EPB41L3: variants seen among roughly 807,000 people sequenced by gnomAD.
The protein encoded by EPB41L3 is erythrocyte membrane protein band 4.1 like 3.
In EPB41L3, 57 loss-of-function variants were observed where a neutral mutation model predicts 127.1. That is an observed-to-expected ratio of 0.45 (90% confidence interval 0.36 to 0.56). The LOEUF is 0.56. EPB41L3 is among the 20% of genes least tolerant of loss of function. The pLI is 0.00. For missense variants in EPB41L3, 1,273 were observed against 1,372.2 expected (o/e 0.93, Z 1.14); for synonymous variants, 572 against 549.5 (o/e 1.04, Z -0.57).
At chr18:5,416,431 G>A in intron 12 of EPB41L3, 53 bp from the exon 13 acceptor site, 2 of 1,512,462 alleles carry the variant, frequency 1.3e-6, no homozygotes, top group Non-Finnish European at 1.8e-6. Flanking sequence ...AGGTGCAAAA[G>A]GACAAAAAGA....
In EPB41L3 at chr18:5,435,811, A is replaced by G. The variant is rs115926407; in HGVS notation, c.606-1690T>C. Among the ~76,000 whole-genome samples the G allele has an allele frequency of 3.6e-3, 542 of 152,298 alleles. 5 individuals are homozygous for G. The highest frequency in any genetic ancestry group is 0.012 in the African/African-American group (518 of 41,540). On this transcript the variant is annotated intron_variant, in intron 6 of 22. Coordinates refer to ENST00000341928, the MANE Select transcript of EPB41L3 (RefSeq NM_012307.5). The stretch of plus-strand genomic sequence containing the variant: ...GGTAACTCAATAGCTATGTCATTAT[A>G]AACTTCACTCTCAATTTCCTGCATT...
chr18:5,495,009 G>A (rs1241853551), intron 1 of EPB41L3, among the ~76,000 whole-genome samples: 1 of 152,282 alleles, frequency 6.6e-6, no homozygotes, highest in East Asian at 1.9e-4. Context: ...CAAACTCAGA[G>A]ACCACACAGG....
chr18:5,430,180 GCCT>G (rs947885264), intron 8 of EPB41L3, among the ~76,000 whole-genome samples: 3 of 152,174 alleles, frequency 2.0e-5, no homozygotes. Flanking sequence ...AGGCTCCGAT[GCCT>G]CCTCTTCTTG....
At chr18:5,452,378 CTT>C (rs10700644) in intron 3 of EPB41L3, among the ~76,000 whole-genome samples, 16 of 145,242 alleles carry the variant, frequency 1.1e-4, no homozygotes, top group Non-Finnish European at 1.2e-4. Context: ...GCCTAAAATC[CTT>C]TTTTTTTTTT....
At chr18:5,509,398 A>C (rs2092402449) in intron 1 of EPB41L3, among the ~76,000 whole-genome samples, 1 of 152,262 alleles carries the variant, frequency 6.6e-6, no homozygotes, top group South Asian at 2.1e-4. Context: ...TATGGGTAGC[A>C]AGGTCCTGAG....
chr18:5,484,848 G>A (rs1343269776), intron 2 of EPB41L3, among the ~76,000 whole-genome samples: 1 of 151,372 alleles, frequency 6.6e-6, no homozygotes, highest in Non-Finnish European at 1.5e-5. Flanking sequence ...ATAATAAAAA[G>A]TCTTCTATCA....
intron 3 of EPB41L3, among the ~76,000 whole-genome samples, chr18:5,576,396 C>T (rs952297065): frequency 2.0e-5 from 3 of 152,142 alleles, no homozygotes; most frequent in Non-Finnish European, 4.4e-5. Context: ...CCTCGTCCCT[C>T]AGGATGAGGC....
At chr18:5,626,191 A>G (rs1427803776) in intron 1 of EPB41L3, among the ~76,000 whole-genome samples, 2 of 152,156 alleles carry the variant, frequency 1.3e-5, no homozygotes, top group African/African-American at 4.8e-5. Context: ...TTGGGCTAGG[A>G]GACCCTTAGC....
At chr18:5,489,314 A>G (rs1465366165) in intron 1 of EPB41L3, 120 bp from the exon 2 acceptor site, 26 of 1,156,358 alleles carry the variant, frequency 2.2e-5, no homozygotes, top group Middle Eastern at 2.9e-4. Context: ...ATGCTACCAA[A>G]CCCCATCCTA....
At chr18:5,627,236 A>T (rs2094932287) in intron 1 of EPB41L3, among the ~76,000 whole-genome samples, 1 of 152,194 alleles carries the variant, frequency 6.6e-6, no homozygotes, top group African/African-American at 2.4e-5. Context: ...TCAAAATCAT[A>T]ACGCTTCCTT....
chr18:5,623,377 A>G lies in EPB41L3; in HGVS notation c.-468+5545T>C, dbSNP rs115499748. 7.0e-3 allele frequency among the ~76,000 whole-genome samples: 1,066 copies of G among 152,338 alleles called. 15 individuals carry two copies. Among genetic ancestry groups the G allele is most frequent in the African/African-American group, 0.025 (1,028 of 41,570 alleles). ...CAGTACCTAATTCTAACACTACGTGAAAGTATCTAATTCCTAACTATTCAA... is the reference window on the plus strand; with the variant it reads ...CAGTACCTAATTCTAACACTACGTGGAAGTATCTAATTCCTAACTATTCAA... On this transcript the variant is annotated intron_variant, in intron 1 of 21. Transcript: ENST00000545076.
chr18:5,398,489 T>C, intron 16 of EPB41L3: 1 of 410,274 alleles, frequency 2.4e-6, no homozygotes, highest in Non-Finnish European at 4.3e-6. Flanking sequence ...TGCACTGCGG[T>C]ATTGATTTAA....
intron 3 of EPB41L3, among the ~76,000 whole-genome samples, chr18:5,569,974 G>T (rs1231705169): frequency 6.6e-6 from 1 of 152,096 alleles, no homozygotes; most frequent in Non-Finnish European, 1.5e-5. Context: ...TTGTTAAAAA[G>T]CACTATTTTG....
At chr18:5,521,172 T>C (rs892583903) in intron 1 of EPB41L3, 7 of 152,244 alleles carry the variant, frequency 4.6e-5, no homozygotes, top group African/African-American at 7.2e-5. Flanking sequence ...TAGTCTGGTA[T>C]AGAAACTACA....
At chr18:5,421,885 G>C (rs2077516187) in intron 11 of EPB41L3, among the ~76,000 whole-genome samples, 1 of 152,058 alleles carries the variant, frequency 6.6e-6, no homozygotes, top group Non-Finnish European at 1.5e-5. Flanking sequence ...GCACTACTCA[G>C]GTGACAGGTG....
intron 14 of EPB41L3, among the ~76,000 whole-genome samples, chr18:5,409,727 A>C (rs1249065906): frequency 6.6e-6 from 1 of 151,300 alleles, no homozygotes; most frequent in Non-Finnish European, 1.5e-5. Context: ...AAAAACATAT[A>C]AACAACCTAA....
intron 1 of EPB41L3, among the ~76,000 whole-genome samples, chr18:5,516,022 T>C (rs2092736403): frequency 6.6e-6 from 1 of 152,164 alleles, no homozygotes; most frequent in African/African-American, 2.4e-5. Context: ...TAAGTGCCCA[T>C]AGAAAGTTAG....
chr18:5,405,672 G>A (rs1178479269), intron 16 of EPB41L3, among the ~76,000 whole-genome samples: 2 of 151,918 alleles, frequency 1.3e-5, no homozygotes, highest in Admixed American at 6.6e-5. Flanking sequence ...CCTGCTTGTA[G>A]TCCCAGCTAC....
At position 5,419,764 on chromosome 18, in the gene EPB41L3, G is replaced by A. The variant is rs188980250; in HGVS notation, c.1453C>T (p.Arg485Trp). 1.4e-5 allele frequency: 23 copies of A among 1,614,102 alleles called. No individual in the cohort carries two copies. The highest frequency in any genetic ancestry group is 1.6e-4 in the Middle Eastern group (1 of 6,062). Residue 485 changes from arginine (R) to tryptophan (W), a missense_variant, in exon 12 of 23, where the codon CGG becomes TGG. By Grantham distance (101) the Arg-to-Trp change is moderately radical (BLOSUM62 -3). Transcript: ENST00000341928. ...GGCGTGACTTCTTCCCCCTTCCTCC[G>A]TTTGTCCTCTTCCTCGTCCCGCTCC... ...EEERDEEEDK[R>W]RKGEEVTPIS...
Sources: gnomAD v4.1 joint callset for allele counts (sites outside exome capture counted in the v4.1 genomes callset) on GRCh38, gnomAD v4.1.1 for gene constraint, MANE v1.5 for transcripts, NCBI Gene and HGNC (gene_info 2026-07-23, HGNC 2026-07-21) for gene names.